Variants in CNTNAP2 observed in about 807,000 individuals in gnomAD.
The protein encoded by CNTNAP2 is contactin-associated protein-like 2.
CNTNAP2 carries 98 observed loss-of-function variants against 155.2 expected under a neutral mutation model. The observed-to-expected ratio is 0.63, with a 90% confidence interval of 0.54 to 0.75. The LOEUF is 0.75. CNTNAP2 is among the 30% of genes least tolerant of loss of function. The pLI is 0.00. For synonymous variants in CNTNAP2, 651 were observed against 631.2 expected (o/e 1.03, Z -0.47); for missense variants, 1,727 against 1,688.1 (o/e 1.02, Z -0.40).
chr7:146,746,641 T>C (rs781175275), intron 1 of CNTNAP2, among the ~76,000 whole-genome samples: 14 of 152,254 alleles, frequency 9.2e-5, no homozygotes, highest in Non-Finnish European at 1.8e-4. Context: ...TTTTGCACAT[T>C]TACTTTTAGT....
chr7:146,635,492 G>T (rs945100589), intron 1 of CNTNAP2, among the ~76,000 whole-genome samples: 1 of 152,134 alleles, frequency 6.6e-6, no homozygotes, highest in Non-Finnish European at 1.5e-5. Flanking sequence ...AGGAGGTGGG[G>T]TAGTCAATCG....
intron 4 of CNTNAP2, among the ~76,000 whole-genome samples, chr7:147,045,038 C>T (rs111780315): frequency 2.6e-5 from 4 of 152,192 alleles, no homozygotes; most frequent in South Asian, 2.1e-4. Context: ...ATTTAATCTA[C>T]GAACACGTGA....
At chr7:148,329,494 G>T (rs1315152478) in intron 21 of CNTNAP2, among the ~76,000 whole-genome samples, 2 of 152,126 alleles carry the variant, frequency 1.3e-5, no homozygotes, top group Non-Finnish European at 2.9e-5. Flanking sequence ...AGGAACAGAA[G>T]GAACAAATGT....
At chr7:147,352,483 T>C (rs1281717275) in intron 9 of CNTNAP2, among the ~76,000 whole-genome samples, 2 of 152,052 alleles carry the variant, frequency 1.3e-5, no homozygotes, top group Non-Finnish European at 2.9e-5. Flanking sequence ...CCATTTCACC[T>C]GTTTTGAAGT....
intron 1 of CNTNAP2, among the ~76,000 whole-genome samples, chr7:146,134,772 T>TG (rs1241299054): frequency 6.6e-6 from 1 of 151,836 alleles, no homozygotes; most frequent in Non-Finnish European, 1.5e-5. Flanking sequence ...CACTTAATCA[T>TG]GGTGGATAAG....
intron 12 of CNTNAP2, among the ~76,000 whole-genome samples, chr7:147,569,758 C>A (rs1800248408): frequency 6.6e-6 from 1 of 152,196 alleles, no homozygotes; most frequent in African/African-American, 2.4e-5. Flanking sequence ...GTACTATTTT[C>A]CTTAGCAGTT....
rs1796548978 is a variant in CNTNAP2, at chr7:147,382,226, C to T, written c.1499-13383C>T. Among the ~76,000 whole-genome samples, 3 of 152,136 alleles carry T rather than the reference C, an allele frequency of 2.0e-5. No individual in the cohort carries two copies. In the South Asian group the frequency reaches 6.2e-4, roughly 32 times the overall value. On this transcript the variant is annotated intron_variant, in intron 9 of 23. Transcript: ENST00000361727. ...TTTGTTTTATTAAATAAATAAAAGG[C>T]TCTTGAACAGGAGCATAACAGGATC...
chr7:146,379,743 C>T (rs1328918061), intron 1 of CNTNAP2, among the ~76,000 whole-genome samples: 2 of 152,104 alleles, frequency 1.3e-5, no homozygotes, highest in Non-Finnish European at 2.9e-5. Flanking sequence ...AAGGAATCTG[C>T]TTAGGATCAC....
At chr7:146,282,154 G>A (rs1012411945) in intron 1 of CNTNAP2, among the ~76,000 whole-genome samples, 2 of 152,192 alleles carry the variant, frequency 1.3e-5, no homozygotes, top group Non-Finnish European at 2.9e-5. Flanking sequence ...TGGTAGACAT[G>A]TGAACACACG....
At chr7:148,099,286 A>T (rs1804043895) in intron 15 of CNTNAP2, among the ~76,000 whole-genome samples, 1 of 152,210 alleles carries the variant, frequency 6.6e-6, no homozygotes, top group South Asian at 2.1e-4. Context: ...ACTATTTATT[A>T]ATAATGCCAT....
chr7:148,160,266 G>A (rs534767897), intron 17 of CNTNAP2, among the ~76,000 whole-genome samples: 2 of 151,444 alleles, frequency 1.3e-5, no homozygotes, highest in South Asian at 4.2e-4. Context: ...GACTACACTA[G>A]CCAGGCATAA....
chr7:147,576,217 G>A lies in CNTNAP2; in HGVS notation c.1897+13960G>A, dbSNP rs140064921. On this transcript the variant is annotated intron_variant, in intron 12 of 23. Coordinates refer to ENST00000361727, the MANE Select transcript of CNTNAP2 (RefSeq NM_014141.6). Reference sequence around the variant, plus strand: ...CCAGCAGAGTGTCTGGTATATGTCAGCACTACTACTGCTGTGAATAGACCT... The same window carrying A: ...CCAGCAGAGTGTCTGGTATATGTCAACACTACTACTGCTGTGAATAGACCT... 6.5e-3 allele frequency among the ~76,000 whole-genome samples: 992 copies of A among 152,098 alleles called. 11 individuals are homozygous for A. Among genetic ancestry groups the A allele is most frequent in the African/African-American group, 0.023 (950 of 41,528 alleles).
chr7:147,095,477 C>CA (rs1800511019), intron 4 of CNTNAP2, among the ~76,000 whole-genome samples: 1 of 151,570 alleles, frequency 6.6e-6, no homozygotes, highest in Non-Finnish European at 1.5e-5. Context: ...AGGACACAAA[C>CA]ATTCAGAACA....
intron 11 of CNTNAP2, among the ~76,000 whole-genome samples, chr7:147,493,413 A>C (rs773950835): frequency 6.6e-6 from 1 of 152,174 alleles, no homozygotes; most frequent in Non-Finnish European, 1.5e-5. Flanking sequence ...TCAGATGCTC[A>C]GTGTGTCCCT....
At chr7:146,617,630 T>G (rs1484216827) in intron 1 of CNTNAP2, among the ~76,000 whole-genome samples, 1 of 152,176 alleles carries the variant, frequency 6.6e-6, no homozygotes, top group African/African-American at 2.4e-5. Flanking sequence ...AAAAGAACCG[T>G]TTACGTTTTT....
chr7:147,176,227 A>G (rs1438054682), intron 8 of CNTNAP2, among the ~76,000 whole-genome samples: 5 of 152,214 alleles, frequency 3.3e-5, no homozygotes, highest in Non-Finnish European at 1.5e-5. Flanking sequence ...GGAATTGAAG[A>G]TCCATTTACC....
intron 1 of CNTNAP2, among the ~76,000 whole-genome samples, chr7:146,309,090 C>G (rs566290282): frequency 6.6e-5 from 10 of 152,228 alleles, no homozygotes; most frequent in Admixed American, 4.6e-4. Context: ...GGTGGGAGAA[C>G]TAGATATGAG....
intron 1 of CNTNAP2, among the ~76,000 whole-genome samples, chr7:146,690,830 G>T (rs1800686161): frequency 6.6e-6 from 1 of 152,082 alleles, no homozygotes; most frequent in South Asian, 2.1e-4. Context: ...GAGTGAAAAG[G>T]AGGAAAGGGA....
chr7:146,733,382 T>C (rs1801558733), intron 1 of CNTNAP2, among the ~76,000 whole-genome samples: 1 of 152,022 alleles, frequency 6.6e-6, no homozygotes, highest in African/African-American at 2.4e-5. Flanking sequence ...TTTATTCGTT[T>C]GCTTATTATT....
Sources: gnomAD v4.1 joint callset for allele counts (sites outside exome capture counted in the v4.1 genomes callset) on GRCh38, gnomAD v4.1.1 for gene constraint, MANE v1.5 for transcripts, NCBI Gene and HGNC (gene_info 2026-07-23, HGNC 2026-07-21) for gene names.